Variants in SLC12A4 observed in about 807,000 individuals in gnomAD.
The protein encoded by SLC12A4 is solute carrier family 12 member 4, also known as electroneutral potassium-chloride cotransporter 1.
In SLC12A4, 84 loss-of-function variants were observed where a neutral mutation model predicts 119.2. That is an observed-to-expected ratio of 0.70 (90% CI 0.59 to 0.85). The LOEUF is 0.85. SLC12A4 is among the 40% of genes least tolerant of loss of function. The probability of loss-of-function intolerance (pLI) is 0.00; values close to 1 mark genes in which losing one functional copy is unlikely to be tolerated. For missense variants in SLC12A4, 1,298 were observed against 1,476.3 expected (o/e 0.88, Z 1.98); for synonymous variants, 599 against 604.6 (o/e 0.99, Z 0.14).
At chr16:67,948,596 G>A (rs963148880) in intron 13 of SLC12A4, among the ~76,000 whole-genome samples, 10 of 152,208 alleles carry the variant, frequency 6.6e-5, no homozygotes, top group East Asian at 1.9e-4. Flanking sequence ...GAGTCACTGC[G>A]GTGGGCGTGG....
chr16:67,968,602 G>T lies in SLC12A4; in HGVS notation c.-49C>A, dbSNP rs1279605719. 7.3e-7 allele frequency: 1 copy of T among 1,377,126 alleles called. No homozygotes were observed. The highest frequency in any genetic ancestry group is 1.6e-5 in the African/African-American group (1 of 64,166). The allele number at this position is 1,377,126 out of a possible 1,614,324, so 85.3% of individuals were successfully genotyped here. On this transcript the variant is annotated 5_prime_UTR_variant, in exon 1 of 24. Transcript: ENST00000316341. ...CCCGCCGTCCCAGCCGCCCGCCGCT[G>T]TCCCCGCCGCTGTCCCCGCCGCCCC...
rs2058402272 is a variant in SLC12A4, at chr16:67,950,504, C to T, written c.1455-11G>A. On this transcript the variant is annotated splice_polypyrimidine_tract_variant and intron_variant, in intron 11 of 23. Transcript: ENST00000316341. The surrounding 1 kb of genome is among the most constrained non-coding windows in gnomAD (Gnocchi z 4.3). ...ACACCATCGCCATACCTGCAGGGGC[C>T]ACCAGAGTGAGGGATGTCAGGGGTC... 1 of 1,613,652 alleles carries T rather than the reference C, an allele frequency of 6.2e-7. No individual in the cohort carries two copies. The highest frequency in any genetic ancestry group is 1.7e-5 in the Admixed American group (1 of 59,994).
At chr16:67,956,833 CAT>C (rs3842354) in intron 5 of SLC12A4, among the ~76,000 whole-genome samples, 8,917 of 148,854 alleles carry the variant, frequency 0.06, 704 homozygotes, top group African/African-American at 0.19. Flanking sequence ...CACACACACA[CAT>C]ATATATATAT....
intron 2 of SLC12A4, among the ~76,000 whole-genome samples, chr16:67,962,010 G>A (rs2030606542): frequency 6.6e-6 from 1 of 152,208 alleles, no homozygotes; most frequent in Non-Finnish European, 1.5e-5. Context: ...GAACACGGCT[G>A]GCAGGGGGGC....
chr16:67,959,215 G>T (rs1332579680), intron 3 of SLC12A4, among the ~76,000 whole-genome samples: 2 of 152,218 alleles, frequency 1.3e-5, no homozygotes, highest in African/African-American at 4.8e-5. Flanking sequence ...CAGGGCAGAG[G>T]CTGAGAGCAC....
chr16:67,961,330 A>T (rs557662502), intron 3 of SLC12A4, among the ~76,000 whole-genome samples: 1 of 152,310 alleles, frequency 6.6e-6, no homozygotes, highest in Admixed American at 6.5e-5. Flanking sequence ...GGCTGAGTAC[A>T]GGCAGCTGTG....
intron 1 of SLC12A4, among the ~76,000 whole-genome samples, 166 bp from the exon 2 acceptor site, chr16:67,963,725 C>A (rs1378367873): frequency 6.6e-6 from 1 of 152,230 alleles, no homozygotes. Flanking sequence ...CTCTTGAAGG[C>A]CCAGGGATAG....
chr16:67,952,214 A>C lies in SLC12A4; in HGVS notation c.887T>G (p.Ile296Arg). The C allele has an allele frequency of 6.2e-7, 1 of 1,614,104 alleles. No individual in the cohort carries two copies. The highest frequency in any genetic ancestry group is 8.5e-7 in the Non-Finnish European group (1 of 1,180,026). ...CACGGGAGGGTCAAATATAGACTTT[A>C]TGCCCCCAGCATAGATGGAGAGGAT... ...ISILSIYAGG[I>R]KSIFDPPVFP... is the part of the protein sequence containing the mutation. The change falls in exon 7 of 24, where the codon ATA (isoleucine) becomes AGA (arginine). Residue 296 changes from isoleucine (I) to arginine (R), a missense_variant. Physicochemically the swap from Ile to Arg is moderately conservative, Grantham distance 97. Coordinates refer to ENST00000316341, the MANE Select transcript of SLC12A4 (RefSeq NM_005072.5).
rs2058316001 is a variant in SLC12A4 at position 67,944,283 on chromosome 16, T to G, written c.*557A>C. Reference sequence around the variant, plus strand: ...CTCTGGGCCTGGGTTCAGTTCCGCCTTCTTCTCTTGGCGCCAGGGGAAACA... The same window carrying G: ...CTCTGGGCCTGGGTTCAGTTCCGCCGTCTTCTCTTGGCGCCAGGGGAAACA... On this transcript the variant is annotated 3_prime_UTR_variant, in exon 24 of 24. Coordinates refer to ENST00000316341, the MANE Select transcript of SLC12A4 (RefSeq NM_005072.5). The surrounding 1 kb of genome is among the most constrained non-coding windows in gnomAD (Gnocchi z 6.6). 1.4e-6 allele frequency: 2 copies of G among 1,414,706 alleles called. No homozygotes were observed. Among genetic ancestry groups the G allele is most frequent in the Admixed American group, 2.9e-5 (1 of 34,662 alleles). The allele number at this position is 1,414,706 out of a possible 1,614,324, so 87.6% of individuals were successfully genotyped here. A position where few individuals can be genotyped will look rare whatever the true frequency, so the allele number is the denominator to read the frequency against.
chr16:67,943,832 A>T lies in SLC12A4; in HGVS notation c.*1008T>A. On this transcript the variant is annotated 3_prime_UTR_variant, in exon 24 of 24. Transcript: ENST00000316341. This position sits in a 1 kb window ranked among gnomAD's most constrained non-coding sequence, Gnocchi z 4.6. ...GGCCCCTCCCCACACCAGGGCAGGT[A>T]CTTATGTCGGGGCTTATGCAGGGCA... 1.0e-6 allele frequency: 1 copy of T among 972,934 alleles called. No individual in the cohort carries two copies. Among genetic ancestry groups the T allele is most frequent in the Non-Finnish European group, 1.5e-6 (1 of 665,274 alleles). 60.3% of individuals were successfully genotyped at this position (972,934 alleles called of 1,614,324 possible). A position where few individuals can be genotyped will look rare whatever the true frequency, so the allele number is the denominator to read the frequency against.
At chr16:67,948,831 G>C (rs1030917241) in intron 13 of SLC12A4, among the ~76,000 whole-genome samples, 6 of 152,128 alleles carry the variant, frequency 3.9e-5, no homozygotes, top group Admixed American at 3.3e-4. Context: ...TCTTGGGTGA[G>C]AGGAAGGGGT....
At chr16:67,947,610 C>T in intron 15 of SLC12A4, 59 bp downstream of exon 15, 1 of 1,557,632 alleles carries the variant, frequency 6.4e-7, no homozygotes, top group Admixed American at 1.9e-5. Context: ...GCCAGACCAC[C>T]CTGCCTGCTC....
intron 1 of SLC12A4, chr16:67,966,816 G>A: frequency 1.3e-6 from 2 of 1,550,596 alleles, no homozygotes; most frequent in Non-Finnish European, 1.7e-6. Flanking sequence ...AGTAAGAGGA[G>A]GAGAAAGAGG....
Position 67,950,156 on chromosome 16 carries a change from A to C in SLC12A4, c.1629+163T>G. On this transcript the variant is annotated intron_variant, in intron 12 of 23. Coordinates refer to ENST00000316341, the MANE Select transcript of SLC12A4 (RefSeq NM_005072.5). This position sits in a 1 kb window ranked among gnomAD's most constrained non-coding sequence, Gnocchi z 4.3. ...GTCCAGGCAGCTCCAGGCCCAGGTG[A>C]GTGCCAGGCCCAGGGCACTTCTCAG... 1.2e-6 allele frequency: 1 copy of C among 819,098 alleles called. No homozygotes were observed. 50.7% of individuals were successfully genotyped at this position (819,098 alleles called of 1,614,324 possible).
chr16:67,954,248 C>CTTCA (rs1359480733), intron 6 of SLC12A4: 1 of 326,882 alleles, frequency 3.1e-6, no homozygotes. Context: ...GAAGGTGGAT[C>CTTCA]TGAAGTGCCC....
intron 1 of SLC12A4, among the ~76,000 whole-genome samples, chr16:67,966,299 G>A (rs537618840): frequency 8.5e-5 from 13 of 152,370 alleles, no homozygotes; most frequent in Admixed American, 8.5e-4. Context: ...GTAGTGCCTG[G>A]ATGTCTGTAC....
At chr16:67,945,015 A>G (rs769259508) in intron 23 of SLC12A4, 72 bp downstream of exon 23, 1 of 1,602,544 alleles carries the variant, frequency 6.2e-7, no homozygotes, top group East Asian at 2.2e-5. Context: ...AGGGGTGCCC[A>G]GGAGAGAAGC....
Position 67,943,936 on chromosome 16 carries a change from G to A in SLC12A4, c.*904C>T. The A allele has an allele frequency of 6.5e-7, 1 of 1,543,134 alleles. No homozygotes were observed. The highest frequency in any genetic ancestry group is 8.8e-7 in the Non-Finnish European group (1 of 1,142,498). Reference sequence around the variant, plus strand: ...TCTGGCGTGGTGCATCAGGGGCCTGGTGGGGGCTTACCGAGGATGACGGGC... The same window carrying A: ...TCTGGCGTGGTGCATCAGGGGCCTGATGGGGGCTTACCGAGGATGACGGGC... On this transcript the variant is annotated 3_prime_UTR_variant, in exon 24 of 24. Transcript: ENST00000316341. The surrounding 1 kb of genome is among the most constrained non-coding windows in gnomAD (Gnocchi z 4.6).
chr16:67,950,354 C>A lies in SLC12A4; in HGVS notation c.1594G>T (p.Ala532Ser), dbSNP rs1168575947. ...GGGATGATGTTGTCCTTGGCAATGG[C>A]CTGCAATAGGCGTGGTGCCCCTGTG... is the stretch of plus-strand genomic sequence containing the variant. ...SLTGAPRLLQ[A>S]IAKDNIIPFL... The change falls in exon 12 of 24, where the codon GCC becomes TCC. Residue 532 changes from alanine to serine, a missense_variant. Transcript: ENST00000316341. This position sits in a 1 kb window ranked among gnomAD's most constrained non-coding sequence, Gnocchi z 4.3. 1 of 1,614,018 alleles carries A rather than the reference C, an allele frequency of 6.2e-7. No homozygotes were observed. The highest frequency in any genetic ancestry group is 8.5e-7 in the Non-Finnish European group (1 of 1,180,016).
Sources: allele counts gnomAD v4.1 joint callset (sites outside exome capture counted in the v4.1 genomes callset), GRCh38; gene constraint gnomAD v4.1.1; non-coding constraint Gnocchi (gnomAD v3.1); transcripts MANE v1.5; gene names NCBI Gene and HGNC (gene_info 2026-07-23, HGNC 2026-07-21).